The following PLD5 variants were observed in gnomAD, a reference collection of about 807,000 sequenced individuals.
PLD5 encodes inactive phospholipase D5.
A neutral mutation model predicts 61.1 loss-of-function variants in PLD5; 36 were observed. The ratio of observed to expected loss-of-function variants is 0.59; its 90% CI spans 0.45 to 0.78. The LOEUF (loss-of-function observed/expected upper bound fraction) is 0.78, where lower values mean the gene tolerates loss of function less well. Ranked by LOEUF, PLD5 falls within the 30% of genes least tolerant of loss-of-function variation. The pLI is 0.00. For synonymous variants in PLD5, 243 were observed against 242.8 expected (o/e 1.00, Z -0.01); for missense variants, 515 against 644.4 (o/e 0.80, Z 2.17).
chr1:242,394,183 AGT>A (rs1663198083), intron 1 of PLD5, among the ~76,000 whole-genome samples: 1 of 51,922 alleles, frequency 1.9e-5, no homozygotes, highest in Non-Finnish European at 3.3e-5. Flanking sequence ...TGTATATATG[AGT>A]ATATATGAGT....
chr1:242,354,895 A>AT (rs1660675581), intron 1 of PLD5, among the ~76,000 whole-genome samples: 2 of 151,648 alleles, frequency 1.3e-5, no homozygotes, highest in South Asian at 4.2e-4. Flanking sequence ...CATATGACTT[A>AT]TTTTTTCTGT....
At chr1:242,401,727 G>A (rs1319295761) in intron 1 of PLD5, among the ~76,000 whole-genome samples, 1 of 152,162 alleles carries the variant, frequency 6.6e-6, no homozygotes, top group Non-Finnish European at 1.5e-5. Context: ...ACCCTTGACA[G>A]TCCTGTCTAA....
At chr1:242,250,175 T>A (rs1297515800) in intron 4 of PLD5, among the ~76,000 whole-genome samples, 2 of 152,216 alleles carry the variant, frequency 1.3e-5, no homozygotes, top group African/African-American at 4.8e-5. Flanking sequence ...TACTCAGTGT[T>A]ATAAAAATCA....
intron 5 of PLD5, among the ~76,000 whole-genome samples, chr1:242,187,385 G>A (rs947587404): frequency 6.6e-6 from 1 of 152,174 alleles, no homozygotes; most frequent in African/African-American, 2.4e-5. Context: ...GCAGTCCTGA[G>A]CTGTTTACCC....
intron 1 of PLD5, among the ~76,000 whole-genome samples, chr1:242,351,611 C>T (rs373207509): frequency 2.0e-5 from 3 of 152,278 alleles, no homozygotes; most frequent in East Asian, 3.9e-4. Context: ...AACTGTGAGT[C>T]CATAAAACCT....
At chr1:242,249,662 C>T (rs1471347030) in intron 4 of PLD5, among the ~76,000 whole-genome samples, 2 of 152,192 alleles carry the variant, frequency 1.3e-5, no homozygotes, top group Non-Finnish European at 2.9e-5. Context: ...GCAAACTGCA[C>T]ATATTCTCCT....
intron 1 of PLD5, among the ~76,000 whole-genome samples, chr1:242,438,446 T>C (rs2810029): frequency 0.65 from 88,097 of 135,984 alleles, 29,436 homozygotes; most frequent in African/African-American, 0.85. Flanking sequence ...TTTCTTTTTT[T>C]TTTTTTTTTT....
intron 1 of PLD5, among the ~76,000 whole-genome samples, chr1:242,499,648 G>T (rs1372342006): frequency 6.6e-6 from 1 of 152,154 alleles, no homozygotes; most frequent in Admixed American, 6.5e-5. Flanking sequence ...CTACACAGGG[G>T]ATGAACTACG....
intron 1 of PLD5, among the ~76,000 whole-genome samples, chr1:242,348,879 C>A (rs544685942): frequency 6.6e-6 from 1 of 152,080 alleles, no homozygotes; most frequent in Non-Finnish European, 1.5e-5. Flanking sequence ...ACGGTGAAAC[C>A]CTGTCTCTAC....
intron 5 of PLD5, among the ~76,000 whole-genome samples, chr1:242,167,624 T>G (rs1174382720): frequency 6.6e-6 from 1 of 152,204 alleles, no homozygotes; most frequent in East Asian, 1.9e-4. Flanking sequence ...AAGTTCTAAC[T>G]ATTTCACATA....
chr1:242,342,321 T>C (rs1659881699), intron 2 of PLD5, among the ~76,000 whole-genome samples: 1 of 152,176 alleles, frequency 6.6e-6, no homozygotes, highest in South Asian at 2.1e-4. Flanking sequence ...TAGCTATATA[T>C]ACAAAATGAA....
chr1:242,518,500 A>G (rs576649369), intron 1 of PLD5, among the ~76,000 whole-genome samples: 3 of 152,306 alleles, frequency 2.0e-5, no homozygotes, highest in Non-Finnish European at 4.4e-5. Context: ...TCAGTAAGAG[A>G]ACATAACTTA....
intron 1 of PLD5, among the ~76,000 whole-genome samples, chr1:242,518,022 C>T (rs1219280928): frequency 6.6e-6 from 1 of 152,126 alleles, no homozygotes; most frequent in African/African-American, 2.4e-5. Flanking sequence ...GGCTCTTTGC[C>T]TACTCTGGAG....
intron 5 of PLD5, among the ~76,000 whole-genome samples, chr1:242,197,491 C>G (rs1029562221): frequency 5.3e-5 from 8 of 152,146 alleles, no homozygotes; most frequent in Non-Finnish European, 1.2e-4. Flanking sequence ...GAACCACAAA[C>G]CACTTCACCT....
intron 4 of PLD5, among the ~76,000 whole-genome samples, chr1:242,241,918 G>GTA (rs199673112): frequency 0.37 from 37,275 of 101,978 alleles, 7,221 homozygotes; most frequent in Non-Finnish European, 0.45. Flanking sequence ...TATACTTACT[G>GTA]TATATATATA....
intron 1 of PLD5, among the ~76,000 whole-genome samples, chr1:242,413,303 ATCTC>A (rs1202822575): frequency 5.4e-5 from 8 of 147,754 alleles, no homozygotes; most frequent in Admixed American, 4.7e-4. Context: ...TGTCGTCATG[ATCTC>A]TCTTTTTTTT....
At chr1:242,096,431 T>A (rs1469449871) in intron 9 of PLD5, among the ~76,000 whole-genome samples, 1 of 152,016 alleles carries the variant, frequency 6.6e-6, no homozygotes, top group Non-Finnish European at 1.5e-5. Flanking sequence ...AACCTCTGCC[T>A]CCTGGACTCA....
intron 3 of PLD5, among the ~76,000 whole-genome samples, chr1:242,266,255 C>T (rs1673664545): frequency 6.6e-6 from 1 of 152,104 alleles, no homozygotes; most frequent in South Asian, 2.1e-4. Context: ...GTGGTGCGCA[C>T]TTTTATTCCC....
intron 3 of PLD5, among the ~76,000 whole-genome samples, chr1:242,272,726 A>C (rs1380214762): frequency 1.3e-5 from 2 of 152,156 alleles, no homozygotes; most frequent in African/African-American, 4.8e-5. Context: ...TAGCAAAACC[A>C]TGAAAGGAGG....
Sources: allele counts gnomAD v4.1 joint callset (sites outside exome capture counted in the v4.1 genomes callset), GRCh38; gene constraint gnomAD v4.1.1; transcripts MANE v1.5; gene names NCBI Gene and HGNC (gene_info 2026-07-23, HGNC 2026-07-21).